ANKRD13C: variants seen among roughly 807,000 people sequenced by gnomAD.
The protein encoded by ANKRD13C is ankyrin repeat domain 13C.
ANKRD13C carries 16 observed loss-of-function variants against 65.5 expected under a neutral mutation model. The observed-to-expected ratio is 0.24, with a 90% CI of 0.17 to 0.37. ANKRD13C has a LOEUF of 0.37. Ranked by LOEUF, ANKRD13C falls within the 10% of genes least tolerant of loss-of-function variation. The pLI is 1.00. For synonymous variants in ANKRD13C, 235 were observed against 238.7 expected, an observed-to-expected ratio of 0.98 and a Z score of 0.14; for missense variants, 503 against 655.9, an observed-to-expected ratio of 0.77 and a Z score of 2.55.
intron 6 of ANKRD13C, among the ~76,000 whole-genome samples, chr1:70,304,096 C>T (rs1680489571): frequency 6.6e-6 from 1 of 152,172 alleles, no homozygotes; most frequent in Admixed American, 6.5e-5. Context: ...GGTTGGAATA[C>T]AGTGGCACGA....
chr1:70,342,801 G>A (rs2101618105), intron 1 of ANKRD13C, among the ~76,000 whole-genome samples: 1 of 151,830 alleles, frequency 6.6e-6, no homozygotes, highest in East Asian at 1.9e-4. Context: ...CCCAGGAGGG[G>A]AACTAGATAG....
chr1:70,345,511 T>A lies in ANKRD13C; in HGVS notation c.430+8468A>T, dbSNP rs1006742459. On this transcript the variant is annotated intron_variant, in intron 1 of 12. Transcript: ENST00000370944. ...ACTGTATTACACTGAAATATATTGG[T>A]CTGTCTTGTGCTTTGAATGGATCTT... Among the ~76,000 whole-genome samples, 160 of 152,256 alleles carry A rather than the reference T, an allele frequency of 1.1e-3. 1 individual carries two copies. Among genetic ancestry groups the A allele is most frequent in the Non-Finnish European group, 1.2e-3 (83 of 68,010 alleles).
At chr1:70,318,078 T>C (rs1402572469) in intron 3 of ANKRD13C, among the ~76,000 whole-genome samples, 1 of 152,212 alleles carries the variant, frequency 6.6e-6, no homozygotes, top group Non-Finnish European at 1.5e-5. Flanking sequence ...CCCTTTTCTA[T>C]ATGACTTCAT....
intron 11 of ANKRD13C, among the ~76,000 whole-genome samples, chr1:70,272,190 C>T (rs1678915033): frequency 6.7e-6 from 1 of 148,672 alleles, no homozygotes; most frequent in South Asian, 2.1e-4. Flanking sequence ...ACTTTTAGAA[C>T]AAATTATTTG....
At chr1:70,350,582 T>C (rs138623519) in intron 1 of ANKRD13C, among the ~76,000 whole-genome samples, 10 of 152,268 alleles carry the variant, frequency 6.6e-5, no homozygotes, top group African/African-American at 2.2e-4. Flanking sequence ...AGCTGTCCAA[T>C]GGTAGAATCT....
At chr1:70,269,962 T>G (rs1207042919) in intron 12 of ANKRD13C, among the ~76,000 whole-genome samples, 1 of 152,200 alleles carries the variant, frequency 6.6e-6, no homozygotes, top group Non-Finnish European at 1.5e-5. Flanking sequence ...AAGCTTGAAT[T>G]AATGCTAAAT....
chr1:70,267,953 T>G (rs977250479), intron 12 of ANKRD13C, among the ~76,000 whole-genome samples: 1 of 152,162 alleles, frequency 6.6e-6, no homozygotes, highest in Non-Finnish European at 1.5e-5. Context: ...AAAGTAAGAA[T>G]AGAGAGACAA....
chr1:70,281,357 A>T (rs1572044648), intron 9 of ANKRD13C, among the ~76,000 whole-genome samples: 1 of 150,060 alleles, frequency 6.7e-6, no homozygotes, highest in African/African-American at 2.4e-5. Context: ...CTCCTTTTCT[A>T]GAAATCCTTG....
intron 3 of ANKRD13C, 23 bp from the exon 4 acceptor site, chr1:70,315,589 A>G: frequency 6.4e-7 from 1 of 1,568,680 alleles, no homozygotes; most frequent in South Asian, 1.2e-5. Flanking sequence ...TTTTAAAAAT[A>G]ACTAATTTAA....
intron 12 of ANKRD13C, among the ~76,000 whole-genome samples, chr1:70,264,313 C>T (rs945789818): frequency 1.7e-4 from 25 of 151,112 alleles, no homozygotes; most frequent in African/African-American, 6.1e-4. Context: ...CCATCTCTAA[C>T]AAAAATACAA....
chr1:70,354,541 G>A lies in ANKRD13C; in HGVS notation c.-133C>T, dbSNP rs1014309267. Reference sequence around the variant, plus strand: ...CAGCATGAACTCCCACTGAGCCCCCGAGCCTGGGACAAACGCATCTCCCGG... The same window carrying A: ...CAGCATGAACTCCCACTGAGCCCCCAAGCCTGGGACAAACGCATCTCCCGG... On this transcript the variant is annotated 5_prime_UTR_variant, in exon 1 of 13. Transcript: ENST00000370944. 40 of 1,439,266 alleles carry A rather than the reference G, an allele frequency of 2.8e-5. No individual in the cohort carries two copies. In the East Asian group the frequency reaches 8.0e-4, roughly 29 times the overall value. The allele number at this position is 1,439,266 out of a possible 1,614,324, so 89.2% of individuals were successfully genotyped here.
chr1:70,339,951 G>T (rs1305479626), intron 1 of ANKRD13C, among the ~76,000 whole-genome samples: 1 of 151,264 alleles, frequency 6.6e-6, no homozygotes, highest in Non-Finnish European at 1.5e-5. Context: ...CCAGGCTCAA[G>T]TGATCCTCCC....
intron 12 of ANKRD13C, among the ~76,000 whole-genome samples, chr1:70,268,828 T>C (rs1439471012): frequency 6.6e-6 from 1 of 152,218 alleles, no homozygotes; most frequent in Non-Finnish European, 1.5e-5. Context: ...TGGCTGATTC[T>C]GAAAACATGT....
At chr1:70,288,526 C>T (rs1679721595) in intron 9 of ANKRD13C, among the ~76,000 whole-genome samples, 1 of 152,146 alleles carries the variant, frequency 6.6e-6, no homozygotes, top group African/African-American at 2.4e-5. Context: ...AACTGTGGTA[C>T]ACTAATACCA....
At chr1:70,265,824 C>CAAAAAAAAAAAAA (rs775757290) in intron 12 of ANKRD13C, among the ~76,000 whole-genome samples, 3 of 35,418 alleles carry the variant, frequency 8.5e-5, no homozygotes, top group African/African-American at 2.4e-4. Flanking sequence ...GACCTTGCCT[C>CAAAAAAAAAAAAA]AAAAAAAAAA....
intron 3 of ANKRD13C, among the ~76,000 whole-genome samples, chr1:70,322,039 G>C (rs1165681566): frequency 6.6e-6 from 1 of 152,118 alleles, no homozygotes; most frequent in Non-Finnish European, 1.5e-5. Flanking sequence ...ACATAGCCGG[G>C]CATGGTGGCT....
intron 11 of ANKRD13C, among the ~76,000 whole-genome samples, chr1:70,273,054 C>G (rs1678965624): frequency 6.6e-6 from 1 of 151,446 alleles, no homozygotes; most frequent in South Asian, 2.1e-4. Context: ...TGCATCGAGT[C>G]AACTGGGTCC....
chr1:70,305,753 G>C (rs1680560331), intron 6 of ANKRD13C: 1 of 152,088 alleles, frequency 6.6e-6, no homozygotes, highest in Admixed American at 6.6e-5. Flanking sequence ...TCACTGGATT[G>C]GATAGATCAA....
chr1:70,278,621 T>C (rs1489456042), intron 9 of ANKRD13C, among the ~76,000 whole-genome samples: 1 of 151,980 alleles, frequency 6.6e-6, no homozygotes. Context: ...AGACAATAAG[T>C]GAAAGACTAA....
Sources: allele counts gnomAD v4.1 joint callset (sites outside exome capture counted in the v4.1 genomes callset), GRCh38; gene constraint gnomAD v4.1.1; transcripts MANE v1.5; gene names NCBI Gene and HGNC (gene_info 2026-07-23, HGNC 2026-07-21).